GRM3: variants seen among roughly 807,000 people sequenced by gnomAD.
GRM3 encodes the protein metabotropic glutamate receptor 3.
GRM3 carries 26 observed loss-of-function variants against 70.5 expected under a neutral mutation model. The ratio of observed to expected loss-of-function variants is 0.37; its 90% confidence interval spans 0.27 to 0.51. GRM3 has a LOEUF of 0.51. Ranked by LOEUF, GRM3 falls within the 20% of genes least tolerant of loss-of-function variation. GRM3 has a pLI of 0.93. For missense variants in GRM3, 859 were observed against 1,123.8 expected (o/e 0.76, Z 3.37); for synonymous variants, 443 against 434.9 (o/e 1.02, Z -0.23).
At chr7:86,766,011 G>A (rs17160964) in intron 2 of GRM3, among the ~76,000 whole-genome samples, 1,782 of 152,224 alleles carry the variant, frequency 0.012, 17 homozygotes, top group Non-Finnish European at 0.019. Context: ...TTCTCTGAGT[G>A]ATGGCAGAGG....
At chr7:86,647,133 G>A (rs956018254) in intron 1 of GRM3, among the ~76,000 whole-genome samples, 2 of 152,168 alleles carry the variant, frequency 1.3e-5, no homozygotes, top group Admixed American at 6.5e-5. Context: ...TATGACAGGT[G>A]ATTAGCTGGA....
chr7:86,742,202 A>C (rs993661455), intron 1 of GRM3, among the ~76,000 whole-genome samples: 3 of 152,104 alleles, frequency 2.0e-5, no homozygotes, highest in Admixed American at 2.0e-4. Flanking sequence ...TAGTTTCTTC[A>C]AGGCATTTTG....
chr7:86,814,405 G>A (rs1335840159), intron 3 of GRM3, among the ~76,000 whole-genome samples: 2 of 151,666 alleles, frequency 1.3e-5, no homozygotes, highest in Non-Finnish European at 3.0e-5. Flanking sequence ...AGTCCCCAGA[G>A]TCCAGTGTAT....
At chr7:86,843,136 G>A (rs1798588865) in intron 4 of GRM3, among the ~76,000 whole-genome samples, 1 of 152,068 alleles carries the variant, frequency 6.6e-6, no homozygotes, top group African/African-American at 2.4e-5. Flanking sequence ...CATGATGAAA[G>A]GCAAGAGGGA....
chr7:86,715,438 A>C (rs1795292032), intron 1 of GRM3, among the ~76,000 whole-genome samples: 1 of 151,998 alleles, frequency 6.6e-6, no homozygotes, highest in African/African-American at 2.4e-5. Context: ...ATTTATTGTG[A>C]GAACTAAATG....
intron 2 of GRM3, among the ~76,000 whole-genome samples, chr7:86,771,246 A>G (rs1584229141): frequency 1.3e-5 from 2 of 152,132 alleles, no homozygotes; most frequent in African/African-American, 4.8e-5. Context: ...TCTTAACATT[A>G]TAATTATATG....
intron 1 of GRM3, among the ~76,000 whole-genome samples, chr7:86,678,534 T>A (rs1048905666): frequency 2.0e-5 from 3 of 152,172 alleles, no homozygotes. Flanking sequence ...AAGGAGCACA[T>A]AATTAAATGA....
chr7:86,675,126 A>C (rs1206642467), intron 1 of GRM3, among the ~76,000 whole-genome samples: 1 of 152,130 alleles, frequency 6.6e-6, no homozygotes, highest in African/African-American at 2.4e-5. Flanking sequence ...TAGTTGTTAT[A>C]ATAGTACCCC....
chr7:86,731,525 ATATACTGCCGGAT>A (rs1352183510), intron 1 of GRM3, among the ~76,000 whole-genome samples: 1 of 152,198 alleles, frequency 6.6e-6, no homozygotes, highest in Non-Finnish European at 1.5e-5. Flanking sequence ...GTTTAACCTA[ATATACTGCCGGAT>A]TATTTGGTGT....
intron 1 of GRM3, among the ~76,000 whole-genome samples, chr7:86,688,964 A>AATTAATTTATTATAT (rs1488638835): frequency 1.3e-5 from 2 of 148,226 alleles, no homozygotes; most frequent in African/African-American, 4.9e-5. Context: ...AGTCTTGGTC[A>AATTAATTTATTATAT]ATTAATTTAT....
intron 4 of GRM3, among the ~76,000 whole-genome samples, chr7:86,849,491 T>C (rs2116767657): frequency 6.6e-6 from 1 of 152,304 alleles, no homozygotes; most frequent in Non-Finnish European, 1.5e-5. Flanking sequence ...AGTTATGTGT[T>C]CAGTCTTCAG....
At chr7:86,804,981 G>C (rs774244246) in intron 3 of GRM3, among the ~76,000 whole-genome samples, 3 of 152,100 alleles carry the variant, frequency 2.0e-5, no homozygotes, top group Non-Finnish European at 4.4e-5. Context: ...GGGCATGGTG[G>C]AGCATGCCTG....
At chr7:86,852,097 A>C (rs1383609592) in intron 5 of GRM3, among the ~76,000 whole-genome samples, 1 of 152,114 alleles carries the variant, frequency 6.6e-6, no homozygotes, top group East Asian at 1.9e-4. Context: ...GCAGAAACAG[A>C]ATTTAGAGTC....
chr7:86,824,761 T>C (rs767228833), intron 3 of GRM3, among the ~76,000 whole-genome samples: 22 of 152,174 alleles, frequency 1.4e-4, no homozygotes, highest in Non-Finnish European at 2.1e-4. Context: ...AGTAAAAATA[T>C]ATGAGAAATG....
chr7:86,754,030 A>G (rs772258542), intron 1 of GRM3, among the ~76,000 whole-genome samples: 1 of 152,144 alleles, frequency 6.6e-6, no homozygotes, highest in African/African-American at 2.4e-5. Flanking sequence ...AGCAGAACTG[A>G]AAAAATATGT....
chr7:86,747,907 A>AC (rs1796142570), intron 1 of GRM3, among the ~76,000 whole-genome samples: 1 of 152,036 alleles, frequency 6.6e-6, no homozygotes, highest in African/African-American at 2.4e-5. Flanking sequence ...GTGATTTCAC[A>AC]CCCCACTAAA....
rs181932823 is a variant in GRM3, at chr7:86,758,295, C to G, written c.-140-6711C>G. On this transcript the variant is annotated intron_variant, in intron 1 of 5. Coordinates refer to ENST00000361669, the MANE Select transcript of GRM3 (RefSeq NM_000840.3). Reference sequence around the variant, plus strand: ...AAAATGGTATTCCTCCATTTCTGCTCCTTCACCATTTTGTCCAGAGCTAGA... The same window carrying G: ...AAAATGGTATTCCTCCATTTCTGCTGCTTCACCATTTTGTCCAGAGCTAGA... Among the ~76,000 whole-genome samples the G allele has an allele frequency of 2.7e-3, 409 of 152,246 alleles. 3 individuals are homozygous for G. Among genetic ancestry groups the G allele is most frequent in the Non-Finnish European group, 4.2e-3 (287 of 67,990 alleles).
At chr7:86,784,650 T>C (rs1230489231) in intron 2 of GRM3, 4 of 152,200 alleles carry the variant, frequency 2.6e-5, no homozygotes, top group Non-Finnish European at 4.4e-5. Flanking sequence ...GTCCAGAGTC[T>C]CCTAGTCCTG....
chr7:86,844,042 T>C lies in GRM3; in HGVS notation c.2391+4137T>C, dbSNP rs1562880643. 2.0e-5 allele frequency among the ~76,000 whole-genome samples: 3 copies of C among 152,260 alleles called. 1 individual carries two copies. The highest frequency in any genetic ancestry group is 6.8e-3 in the Middle Eastern group (2 of 294). On this transcript the variant is annotated intron_variant, in intron 4 of 5. Transcript: ENST00000361669. ...TAGACTAAGGACCATACTTGGAGTG[T>C]CAAGACTCTAGATTCTTTTGGGGGT... is the stretch of plus-strand genomic sequence containing the variant.
Sources: allele counts gnomAD v4.1 joint callset (sites outside exome capture counted in the v4.1 genomes callset), GRCh38; gene constraint gnomAD v4.1.1; transcripts MANE v1.5; gene names NCBI Gene and HGNC (gene_info 2026-07-23, HGNC 2026-07-21).